UBE3A: variants seen among roughly 807,000 people sequenced by gnomAD.
UBE3A encodes the protein ubiquitin protein ligase E3A.
Under a neutral mutation model 83.4 loss-of-function variants are expected in UBE3A, and 6 were observed. The observed-to-expected ratio is 0.07, with a 90% confidence interval of 0.04 to 0.14. The LOEUF is 0.14. UBE3A is among the 10% of genes least tolerant of loss of function. The pLI, the probability that UBE3A is intolerant of heterozygous loss-of-function variation, is 1.00. For missense variants in UBE3A, 456 were observed against 1,036.1 expected (o/e 0.44, Z 7.69); for synonymous variants, 337 against 355.4 (o/e 0.95, Z 0.58).
intron 3 of UBE3A, chr15:25,407,084 T>C: frequency 7.4e-7 from 1 of 1,350,642 alleles, no homozygotes; most frequent in Non-Finnish European, 9.8e-7. Flanking sequence ...CCACCAGCCT[T>C]GTGGGTAAGT....
intron 6 of UBE3A, 81 bp from the exon 7 acceptor site, chr15:25,360,608 T>G: frequency 6.6e-7 from 1 of 1,503,996 alleles, no homozygotes; most frequent in Non-Finnish European, 9.0e-7. Context: ...AGGAGTAGGA[T>G]TAGGAAACAA....
Position 25,375,482 on chromosome 15 carries a change from G to C in UBE3A, c.344C>G (p.Ala115Gly). 1 of 1,614,054 alleles carries C rather than the reference G, an allele frequency of 6.2e-7. No individual in the cohort carries two copies. ...CSEIKMNKKG[A>G]RIDFKDVTYL... ...CATCTTACCTTTAAAATCAATTCTA[G>C]CGCCTTTCTTGTTCATTTTTATCTC... is the stretch of plus-strand genomic sequence containing the variant. The change falls in exon 5 of 13, where the codon GCT becomes GGT. Residue 115 changes from alanine to glycine, a missense_variant. By Grantham distance (60) the Ala-to-Gly change is moderately conservative. Transcript: ENST00000648336.
At chr15:25,390,431 G>C (rs932495046) in intron 4 of UBE3A, among the ~76,000 whole-genome samples, 3 of 152,158 alleles carry the variant, frequency 2.0e-5, no homozygotes, top group African/African-American at 7.2e-5. Flanking sequence ...TTCACAAACT[G>C]TGATATGTCC....
chr15:25,399,859 G>A (rs989277122), intron 4 of UBE3A, among the ~76,000 whole-genome samples: 2 of 152,010 alleles, frequency 1.3e-5, no homozygotes. Flanking sequence ...ATACACGTGT[G>A]AGCAACTGTG....
In UBE3A at chr15:25,335,903, C is replaced by T. The variant is rs1366202233; in HGVS notation, c.*3234G>A. The T allele has an allele frequency of 6.6e-6, 1 of 152,122 alleles. No homozygotes were observed. Among genetic ancestry groups the T allele is most frequent in the Non-Finnish European group, 1.5e-5 (1 of 68,060 alleles). The allele number at this position is 152,122 out of a possible 1,614,324, so 9.4% of individuals were successfully genotyped here. A position where few individuals can be genotyped will look rare whatever the true frequency, so the allele number is the denominator to read the frequency against. ...ACAAGTAGCCAGAGAAGCAACAGCCCAAGCTAGGGTGTTGTCAAGGTTATA... is the reference window on the plus strand; with the variant it reads ...ACAAGTAGCCAGAGAAGCAACAGCCTAAGCTAGGGTGTTGTCAAGGTTATA... On this transcript the variant is annotated 3_prime_UTR_variant, in exon 13 of 13. Coordinates refer to ENST00000648336, the MANE Select transcript of UBE3A (RefSeq NM_130839.5).
At position 25,339,181 on chromosome 15, in the gene UBE3A, A is replaced by G. The variant is rs370552735; in HGVS notation, c.2575T>C (p.Leu859=). The change falls in exon 13 of 13, where the codon TTG becomes CTG. Residue 859 remains leucine, a synonymous_variant. Coordinates refer to ENST00000648336, the MANE Select transcript of UBE3A (RefSeq NM_130839.5). ...YSSKEKLKER[L]LKAITYAKGF... is the part of the protein sequence containing the mutation. ...TTGGCATACGTGATGGCCTTCAACA[A>G]TCTCTCTTTAAGTTTTTCTTTGCTT... 16 of 1,612,020 alleles carry G rather than the reference A, an allele frequency of 9.9e-6. No individual in the cohort carries two copies. The highest frequency in any genetic ancestry group is 4.4e-5 in the South Asian group (4 of 90,866).
chr15:25,407,369 G>A, intron 3 of UBE3A: 3 of 712,476 alleles, frequency 4.2e-6, no homozygotes, highest in Non-Finnish European at 3.5e-6. Context: ...ATGATGATAG[G>A]AAAATAAAAA....
At chr15:25,384,466 A>G (rs938599318) in intron 4 of UBE3A, among the ~76,000 whole-genome samples, 1 of 151,672 alleles carries the variant, frequency 6.6e-6, no homozygotes, top group Non-Finnish European at 1.5e-5. Context: ...TCTCAAAAAA[A>G]AAAAAAAAAG....
At chr15:25,378,050 A>C (rs2081513428) in intron 4 of UBE3A, among the ~76,000 whole-genome samples, 1 of 152,190 alleles carries the variant, frequency 6.6e-6, no homozygotes, top group African/African-American at 2.4e-5. Context: ...CTTGCATATT[A>C]AAAATTAATA....
At chr15:25,419,623 T>C (rs1157947058) in intron 1 of UBE3A, among the ~76,000 whole-genome samples, 1 of 152,048 alleles carries the variant, frequency 6.6e-6, no homozygotes, top group Non-Finnish European at 1.5e-5. Context: ...AAGGTAAATA[T>C]AAAGGAATGT....
chr15:25,375,414 T>C (rs770199759), intron 5 of UBE3A, 51 bp downstream of exon 5: 16 of 1,588,314 alleles, frequency 1.0e-5, no homozygotes, highest in Non-Finnish European at 1.3e-5. Flanking sequence ...CATTTAAATC[T>C]CCCACATGGT....
chr15:25,402,334 G>A (rs1023208315), intron 4 of UBE3A, among the ~76,000 whole-genome samples: 4 of 152,214 alleles, frequency 2.6e-5, no homozygotes, highest in Non-Finnish European at 5.9e-5. Flanking sequence ...CTACTAGAGT[G>A]AGCCTGAACC....
rs1164248215 is a variant in UBE3A, at chr15:25,338,890, AT to A, written c.*246del. ...ATATGTAACACTTTCACGCAAAAAA[AT>A]AATTATAATAATAATAAAGGATTTG... On this transcript the variant is annotated 3_prime_UTR_variant, in exon 13 of 13. Transcript: ENST00000648336. The A allele has an allele frequency of 3.4e-5, 7 of 207,152 alleles. No individual in the cohort carries two copies. The highest frequency in any genetic ancestry group is 3.0e-4 in the South Asian group (2 of 6,570). The allele number at this position is 207,152 out of a possible 1,614,324, so 12.8% of individuals were successfully genotyped here.
At chr15:25,416,387 C>A (rs914863193) in intron 1 of UBE3A, among the ~76,000 whole-genome samples, 1 of 152,194 alleles carries the variant, frequency 6.6e-6, no homozygotes, top group South Asian at 2.1e-4. Context: ...ATAAATCTCA[C>A]AAATACATTA....
intron 1 of UBE3A, chr15:25,420,680 A>T (rs1889350455): frequency 6.6e-6 from 1 of 152,228 alleles, no homozygotes; most frequent in African/African-American, 2.4e-5. Context: ...GATGCAGAGA[A>T]ATTGGAACCC....
chr15:25,363,262 T>C (rs2078431883), intron 6 of UBE3A, among the ~76,000 whole-genome samples: 1 of 118,190 alleles, frequency 8.5e-6, no homozygotes, highest in African/African-American at 3.3e-5. Context: ...AAAATAACCA[T>C]AATAATATAG....
chr15:25,408,417 T>C, intron 3 of UBE3A: 1 of 687,180 alleles, frequency 1.5e-6, no homozygotes, highest in East Asian at 2.7e-5. Context: ...ACTATTGACT[T>C]AGGTTATCCT....
intron 6 of UBE3A, among the ~76,000 whole-genome samples, chr15:25,369,690 C>A (rs549607939): frequency 6.6e-6 from 1 of 152,162 alleles, no homozygotes; most frequent in East Asian, 1.9e-4. Flanking sequence ...TAAAGCTCTG[C>A]GATAATGCAC....
intron 4 of UBE3A, among the ~76,000 whole-genome samples, chr15:25,382,056 C>T (rs955515527): frequency 3.9e-5 from 6 of 152,320 alleles, no homozygotes; most frequent in East Asian, 1.9e-4. Flanking sequence ...GCTCACGCCA[C>T]GCCTCTAATC....
Sources: allele counts gnomAD v4.1 joint callset (sites outside exome capture counted in the v4.1 genomes callset), GRCh38; gene constraint gnomAD v4.1.1; transcripts MANE v1.5; gene names NCBI Gene and HGNC (gene_info 2026-07-23, HGNC 2026-07-21).